IL1RAPL1: variants seen among roughly 807,000 people sequenced by gnomAD.
The protein encoded by IL1RAPL1 is interleukin 1 receptor accessory protein like 1, also known as interleukin-1 receptor accessory protein-like 1.
A neutral mutation model predicts 48.4 loss-of-function variants in IL1RAPL1; 3 were observed. The observed-to-expected ratio is 0.06, with a 90% CI of 0.03 to 0.16. The LOEUF is 0.16. Among genes scored for constraint, IL1RAPL1 ranks in the 10% least tolerant of loss-of-function variants. The probability of loss-of-function intolerance (pLI) is 1.00; values close to 1 mark genes in which losing one functional copy is unlikely to be tolerated. For missense variants in IL1RAPL1, 349 were observed against 530.6 expected (o/e 0.66, Z 3.36); for synonymous variants, 185 against 187.7 (o/e 0.99, Z 0.12).
At chrX:29,897,630 C>T (rs976958134) in intron 6 of IL1RAPL1, among the ~76,000 whole-genome samples, 5 of 112,086 alleles carry the variant, frequency 4.5e-5, no homozygotes, top group African/African-American at 9.7e-5. Flanking sequence ...ATCAGTTCAA[C>T]CAAACTGATT....
chrX:29,595,450 T>C lies in IL1RAPL1; in HGVS notation c.704-72980T>C, dbSNP rs1016668774. Among the ~76,000 whole-genome samples, 3 of 112,156 alleles carry C rather than the reference T, an allele frequency of 2.7e-5. No individual in the cohort carries two copies. The Admixed American group carries it at 2.8e-4, about 11-fold the overall frequency. ...GGCCATTCTTACAGGAGTGAGATGG[T>C]ATCACATTGTGGTTTTGATTTGCAT... On this transcript the variant is annotated intron_variant, in intron 5 of 10. Transcript: ENST00000378993.
intron 5 of IL1RAPL1, among the ~76,000 whole-genome samples, chrX:29,456,283 G>C (rs1011850665): frequency 2.7e-5 from 3 of 111,957 alleles, no homozygotes; most frequent in Admixed American, 9.5e-5. Context: ...AAGAGTATTT[G>C]AATTATAATC....
At chrX:29,693,920 G>A (rs1391921663) in intron 6 of IL1RAPL1, among the ~76,000 whole-genome samples, 2 of 110,005 alleles carry the variant, frequency 1.8e-5, no homozygotes, top group Non-Finnish European at 3.8e-5. Context: ...TATCTTTTTA[G>A]CTTAACTATC....
At chrX:29,558,173 A>G (rs192096132) in intron 5 of IL1RAPL1, among the ~76,000 whole-genome samples, 9 of 111,706 alleles carry the variant, frequency 8.1e-5, no homozygotes, top group Admixed American at 3.8e-4. Flanking sequence ...AGAGGTCTCT[A>G]TTCTCCACAT....
At chrX:29,714,418 T>C (rs1488452133) in intron 6 of IL1RAPL1, among the ~76,000 whole-genome samples, 1 of 112,179 alleles carries the variant, frequency 8.9e-6, no homozygotes, top group East Asian at 2.8e-4. Context: ...TAAATTACTT[T>C]ATTGTAGCAG....
intron 8 of IL1RAPL1, among the ~76,000 whole-genome samples, chrX:29,927,043 A>G (rs969676597): frequency 8.9e-6 from 1 of 112,193 alleles, no homozygotes; most frequent in African/African-American, 3.2e-5. Context: ...GGTTTCTTCT[A>G]TTTCCATGCT....
chrX:29,323,304 T>C (rs1932816057), intron 3 of IL1RAPL1, among the ~76,000 whole-genome samples: 1 of 111,093 alleles, frequency 9.0e-6, no homozygotes, highest in Non-Finnish European at 1.9e-5. Context: ...TAATTCAGTC[T>C]TTATTTGTCA....
At chrX:28,670,459 T>C (rs1221455566) in intron 1 of IL1RAPL1, among the ~76,000 whole-genome samples, 1 of 112,146 alleles carries the variant, frequency 8.9e-6, no homozygotes, top group Non-Finnish European at 1.9e-5. Flanking sequence ...TCTGCACCTG[T>C]AATTTTATGT....
intron 3 of IL1RAPL1, among the ~76,000 whole-genome samples, chrX:29,365,574 A>T (rs1293838507): frequency 4.6e-5 from 5 of 108,256 alleles, no homozygotes; most frequent in African/African-American, 1.7e-4. Flanking sequence ...GATACATGCT[A>T]TTCGGGGGGC....
At chrX:28,823,730 C>A (rs1159625607) in intron 2 of IL1RAPL1, among the ~76,000 whole-genome samples, 1 of 111,138 alleles carries the variant, frequency 9.0e-6, no homozygotes, top group East Asian at 2.9e-4. Context: ...CCTTGTGGCT[C>A]CTTCCTCCCT....
At chrX:28,875,290 G>A (rs1181741218) in intron 2 of IL1RAPL1, among the ~76,000 whole-genome samples, 1 of 111,611 alleles carries the variant, frequency 9.0e-6, no homozygotes, top group African/African-American at 3.3e-5. Context: ...TTAAAGAATA[G>A]GCACAGCACA....
chrX:29,051,718 G>A (rs1310054292), intron 2 of IL1RAPL1, among the ~76,000 whole-genome samples: 3 of 111,744 alleles, frequency 2.7e-5, no homozygotes, highest in Non-Finnish European at 5.6e-5. Context: ...TCATTCAGAC[G>A]TATGTGAAAT....
At chrX:29,060,921 T>C (rs1181515703) in intron 2 of IL1RAPL1, among the ~76,000 whole-genome samples, 1 of 111,797 alleles carries the variant, frequency 8.9e-6, no homozygotes, top group Non-Finnish European at 1.9e-5. Flanking sequence ...ATGGTTACTT[T>C]CACTTAGGAT....
chrX:29,002,732 A>G (rs1925885578), intron 2 of IL1RAPL1, among the ~76,000 whole-genome samples: 1 of 112,147 alleles, frequency 8.9e-6, no homozygotes, highest in Non-Finnish European at 1.9e-5. Context: ...TTGTGTTGGT[A>G]AAAGATGAGA....
intron 3 of IL1RAPL1, among the ~76,000 whole-genome samples, chrX:29,375,400 A>G (rs1156513321): frequency 2.7e-5 from 3 of 111,197 alleles, no homozygotes; most frequent in South Asian, 7.6e-4. Context: ...TCCTGACCTC[A>G]GGTGATCTGC....
At chrX:29,283,811 C>T (rs1043099212) in intron 3 of IL1RAPL1, among the ~76,000 whole-genome samples, 2 of 101,752 alleles carry the variant, frequency 2.0e-5, no homozygotes, top group African/African-American at 7.2e-5. Flanking sequence ...TCCTGTATCC[C>T]CAAGGATACC....
chrX:29,539,966 C>T lies in IL1RAPL1; in HGVS notation c.704-128464C>T, dbSNP rs1464062878. ...GCAAGTAAAAGAAATAAAAGGCATC[C>T]AGATTGGAAAAGAAGGAGTCAAACT... On this transcript the variant is annotated intron_variant, in intron 5 of 10. Transcript: ENST00000378993. Among the ~76,000 whole-genome samples the T allele has an allele frequency of 2.7e-5, 3 of 111,618 alleles. No individual in the cohort carries two copies. In the Admixed American group the frequency reaches 2.9e-4, roughly 11 times the overall value.
intron 7 of IL1RAPL1, among the ~76,000 whole-genome samples, chrX:29,918,144 A>T (rs5928742): frequency 1.2e-3 from 28 of 23,723 alleles, no homozygotes; most frequent in East Asian, 3.2e-3. Flanking sequence ...AAAAAAAAAA[A>T]ATATATATAT....
intron 2 of IL1RAPL1, among the ~76,000 whole-genome samples, chrX:28,842,057 G>T (rs1323359896): frequency 9.1e-6 from 1 of 110,160 alleles, no homozygotes; most frequent in Non-Finnish European, 1.9e-5. Flanking sequence ...CTCAGCTAGT[G>T]GTCCCTTAGT....
Sources: allele counts gnomAD v4.1 joint callset (sites outside exome capture counted in the v4.1 genomes callset), GRCh38; gene constraint gnomAD v4.1.1; transcripts MANE v1.5; gene names NCBI Gene and HGNC (gene_info 2026-07-23, HGNC 2026-07-21).